GAB2: variants seen among roughly 807,000 people sequenced by gnomAD.
GAB2 encodes the protein GRB2 associated binding protein 2, also known as GRB2-associated-binding protein 2.
Under a neutral mutation model 65.5 loss-of-function variants are expected in GAB2, and 26 were observed. That is an observed-to-expected ratio of 0.40 (90% CI 0.29 to 0.55). GAB2 has a LOEUF of 0.55. Among genes scored for constraint, GAB2 ranks in the 20% least tolerant of loss-of-function variants. The probability of loss-of-function intolerance (pLI) is 0.53; values close to 1 mark genes in which losing one functional copy is unlikely to be tolerated. For missense variants in GAB2, 884 were observed against 875.8 expected, an observed-to-expected ratio of 1.01 and a Z score of -0.12; for synonymous variants, 321 against 329.6, an observed-to-expected ratio of 0.97 and a Z score of 0.28.
At chr11:78,252,216 C>T (rs1865474642) in intron 2 of GAB2, among the ~76,000 whole-genome samples, 1 of 152,222 alleles carries the variant, frequency 6.6e-6, no homozygotes, top group African/African-American at 2.4e-5. Context: ...GGCATTTCTG[C>T]TGCTGGGCAG....
At chr11:78,275,959 C>A (rs1190968142) in intron 2 of GAB2, among the ~76,000 whole-genome samples, 3 of 151,732 alleles carry the variant, frequency 2.0e-5, no homozygotes, top group Non-Finnish European at 4.4e-5. Context: ...ATTAAAAATA[C>A]AAAAATTAGC....
At chr11:78,335,591 T>A (rs971408149) in intron 1 of GAB2, among the ~76,000 whole-genome samples, 1 of 152,230 alleles carries the variant, frequency 6.6e-6, no homozygotes, top group African/African-American at 2.4e-5. Context: ...TTCTATTCCA[T>A]TGGTCTATGT....
intron 3 of GAB2, among the ~76,000 whole-genome samples, chr11:78,237,626 A>G (rs1474652206): frequency 6.6e-6 from 1 of 152,212 alleles, no homozygotes; most frequent in East Asian, 1.9e-4. Flanking sequence ...TTGTGGGGAA[A>G]AAAAAGGGTG....
chr11:78,402,200 G>C (rs544729438), intron 1 of GAB2, among the ~76,000 whole-genome samples: 1 of 152,160 alleles, frequency 6.6e-6, no homozygotes, highest in East Asian at 1.9e-4. Context: ...GTATGTCCTT[G>C]CCACCTTGTC....
intron 1 of GAB2, among the ~76,000 whole-genome samples, chr11:78,400,949 A>G (rs1291755889): frequency 6.7e-6 from 1 of 150,146 alleles, no homozygotes; most frequent in East Asian, 1.9e-4. Flanking sequence ...TAAGCGAAGC[A>G]GCAGGCATGT....
At chr11:78,232,887 T>C (rs568916384) in intron 3 of GAB2, among the ~76,000 whole-genome samples, 104 of 152,180 alleles carry the variant, frequency 6.8e-4, no homozygotes, top group Non-Finnish European at 1.2e-3. Flanking sequence ...CAGGATTACT[T>C]TGGAGATCAT....
chr11:78,254,300 G>T (rs995132825), intron 2 of GAB2, among the ~76,000 whole-genome samples: 3 of 152,164 alleles, frequency 2.0e-5, no homozygotes, highest in African/African-American at 7.2e-5. Flanking sequence ...TTTGTTGACT[G>T]ATCATACTGA....
intron 5 of GAB2, among the ~76,000 whole-genome samples, chr11:78,223,909 C>T (rs1161911831): frequency 6.6e-6 from 1 of 152,008 alleles, no homozygotes; most frequent in Non-Finnish European, 1.5e-5. Context: ...GGCAAAACCT[C>T]CTCTCTACTA....
chr11:78,366,302 G>T (rs1380290925), intron 1 of GAB2, among the ~76,000 whole-genome samples: 1 of 152,102 alleles, frequency 6.6e-6, no homozygotes, highest in African/African-American at 2.4e-5. Flanking sequence ...AAAATAGGCT[G>T]GGCACAGTGG....
intron 1 of GAB2, among the ~76,000 whole-genome samples, chr11:78,370,998 C>G (rs909832331): frequency 6.6e-6 from 1 of 152,152 alleles, no homozygotes; most frequent in Non-Finnish European, 1.5e-5. Flanking sequence ...GTAGTTCTCT[C>G]CACAATGGAC....
At chr11:78,329,072 G>C (rs1472785137) in intron 1 of GAB2, among the ~76,000 whole-genome samples, 1 of 152,168 alleles carries the variant, frequency 6.6e-6, no homozygotes, top group Non-Finnish European at 1.5e-5. Flanking sequence ...GGAATGGATA[G>C]ACAAATAGAT....
At chr11:78,291,719 C>T (rs558931031) in intron 1 of GAB2, among the ~76,000 whole-genome samples, 6 of 148,348 alleles carry the variant, frequency 4.0e-5, no homozygotes, top group South Asian at 2.2e-4. Context: ...TCACAGGATG[C>T]GCCATCATAC....
At chr11:78,292,029 T>TGTGTGTGAGA (rs10577079) in intron 1 of GAB2, among the ~76,000 whole-genome samples, 58 of 106,004 alleles carry the variant, frequency 5.5e-4, no homozygotes, top group African/African-American at 1.4e-3. Context: ...TGTGTGTGTG[T>TGTGTGTGAGA]GAGAGAGAGA....
At chr11:78,296,314 TA>T (rs1866825169) in intron 1 of GAB2, among the ~76,000 whole-genome samples, 1 of 152,204 alleles carries the variant, frequency 6.6e-6, no homozygotes, top group Non-Finnish European at 1.5e-5. Flanking sequence ...GTCACATTTT[TA>T]TCAATCGGTC....
intron 1 of GAB2, among the ~76,000 whole-genome samples, chr11:78,295,825 G>T (rs1192387617): frequency 6.6e-6 from 1 of 152,196 alleles, no homozygotes; most frequent in Non-Finnish European, 1.5e-5. Context: ...TTCAGGAAAA[G>T]AGAGTAAGAT....
chr11:78,351,723 A>G (rs1000500338), intron 1 of GAB2, among the ~76,000 whole-genome samples: 4 of 152,162 alleles, frequency 2.6e-5, no homozygotes, highest in African/African-American at 7.2e-5. Context: ...GGAGCTAGGT[A>G]AGTAGATAGG....
chr11:78,252,046 T>G (rs367591892), intron 2 of GAB2, among the ~76,000 whole-genome samples: 39 of 152,346 alleles, frequency 2.6e-4, no homozygotes, highest in Non-Finnish European at 3.1e-4. Context: ...GGGTTAACGT[T>G]GTGGTGGTGT....
chr11:78,293,240 C>T (rs1866728761), intron 1 of GAB2, among the ~76,000 whole-genome samples: 1 of 152,140 alleles, frequency 6.6e-6, no homozygotes, highest in Admixed American at 6.5e-5. Flanking sequence ...AGTACAGTTT[C>T]CCTCGGACTC....
chr11:78,347,781 C>G (rs1011442392), intron 1 of GAB2, among the ~76,000 whole-genome samples: 6 of 152,050 alleles, frequency 3.9e-5, no homozygotes, highest in South Asian at 2.1e-4. Flanking sequence ...AAATTCAAAG[C>G]TTTTGTTCCT....
Sources: allele counts gnomAD v4.1 joint callset (sites outside exome capture counted in the v4.1 genomes callset), GRCh38; gene constraint gnomAD v4.1.1; transcripts MANE v1.5; gene names NCBI Gene and HGNC (gene_info 2026-07-23, HGNC 2026-07-21).